Variants in SORCS3 observed in about 807,000 individuals in gnomAD.
SORCS3 encodes the protein sortilin related VPS10 domain containing receptor 3, also known as VPS10 domain-containing receptor SorCS3.
A neutral mutation model predicts 146.3 loss-of-function variants in SORCS3; 57 were observed. That is an observed-to-expected ratio of 0.39 (90% CI 0.31 to 0.49). The LOEUF (loss-of-function observed/expected upper bound fraction) is 0.49. Among genes scored for constraint, SORCS3 ranks in the 20% least tolerant of loss-of-function variants. The pLI, the probability that SORCS3 is intolerant of heterozygous loss-of-function variation, is 0.92. For synonymous variants in SORCS3, 653 were observed against 618.5 expected (o/e 1.06, Z -0.83); for missense variants, 1,341 against 1,575.5 (o/e 0.85, Z 2.52).
chr10:104,716,767 C>A (rs1462771095), intron 1 of SORCS3, among the ~76,000 whole-genome samples: 2 of 152,082 alleles, frequency 1.3e-5, no homozygotes, highest in Admixed American at 1.3e-4. Flanking sequence ...TCTTTATCTC[C>A]TGCAAGTTCC....
At chr10:104,932,895 C>A (rs1000948692) in intron 3 of SORCS3, among the ~76,000 whole-genome samples, 5 of 151,966 alleles carry the variant, frequency 3.3e-5, no homozygotes, top group Admixed American at 2.0e-4. Context: ...TCTTTTCTTT[C>A]TTTATTTATT....
At chr10:104,686,934 CATCCATCCATCT>C (rs1230603616) in intron 1 of SORCS3, among the ~76,000 whole-genome samples, 192 of 122,772 alleles carry the variant, frequency 1.6e-3, no homozygotes, top group African/African-American at 4.7e-3. Context: ...TCTATCCATC[CATCCATCCATCT>C]ATGTATCCAT....
At chr10:105,172,701 C>T (rs1283339095) in intron 13 of SORCS3, among the ~76,000 whole-genome samples, 2 of 151,886 alleles carry the variant, frequency 1.3e-5, no homozygotes, top group Non-Finnish European at 2.9e-5. Context: ...TGCTTTTTAC[C>T]TTTAATTACT....
Position 105,114,207 on chromosome 10 carries a change from C to T in SORCS3, c.1212+8692C>T, listed in dbSNP as rs564006085. Among the ~76,000 whole-genome samples the T allele has an allele frequency of 3.9e-5, 6 of 152,236 alleles. No homozygotes were observed. In the South Asian group the frequency reaches 1.2e-3, roughly 32 times the overall value. The stretch of plus-strand genomic sequence containing the variant: ...GTGAAACCCTGCCCTATACTCTCTT[C>T]ATGGCACAGAGGGTGGCCTTCAATG... On this transcript the variant is annotated intron_variant, in intron 7 of 26. Transcript: ENST00000369701.
intron 3 of SORCS3, among the ~76,000 whole-genome samples, chr10:104,940,249 T>A (rs1374418992): frequency 3.0e-3 from 356 of 117,518 alleles, no homozygotes; most frequent in African/African-American, 0.011. Context: ...TTTTTTTTTT[T>A]TTTTTTATTA....
At chr10:105,016,155 A>ATTTTTTTTTTTTTTTTTTTT (rs10625699) in intron 4 of SORCS3, among the ~76,000 whole-genome samples, 1 of 101,342 alleles carries the variant, frequency 9.9e-6, no homozygotes, top group African/African-American at 4.8e-5. Context: ...ATATATATAT[A>ATTTTTTTTTTTTTTTTTTTT]TTTTTTTTTT....
At chr10:105,057,696 C>G (rs6584650) in intron 5 of SORCS3, among the ~76,000 whole-genome samples, 40,513 of 152,092 alleles carry the variant, frequency 0.27, 7,396 homozygotes, top group African/African-American at 0.52. Context: ...CCACTCTCAC[C>G]CTAGCCTGTT....
chr10:105,104,841 A>G (rs1177719586), intron 6 of SORCS3, among the ~76,000 whole-genome samples: 1 of 152,212 alleles, frequency 6.6e-6, no homozygotes, highest in African/African-American at 2.4e-5. Context: ...GTTGAAGCAT[A>G]CGTATCCACC....
chr10:104,991,060 A>G (rs1382374331), intron 4 of SORCS3, among the ~76,000 whole-genome samples: 2 of 152,132 alleles, frequency 1.3e-5, no homozygotes, highest in African/African-American at 2.4e-5. Flanking sequence ...TGTCTCCACC[A>G]GCTTCTTGAA....
At chr10:105,157,458 G>A (rs2056221211) in intron 10 of SORCS3, among the ~76,000 whole-genome samples, 174 bp downstream of exon 10, 2 of 152,148 alleles carry the variant, frequency 1.3e-5, no homozygotes, top group South Asian at 4.1e-4. Context: ...CCAATTGGGT[G>A]AAAGGCCCAG....
intron 3 of SORCS3, among the ~76,000 whole-genome samples, chr10:104,950,617 A>T (rs1292489008): frequency 6.6e-6 from 1 of 152,154 alleles, no homozygotes; most frequent in Admixed American, 6.5e-5. Context: ...TTTGGAGAAA[A>T]TCTACTGGAA....
At chr10:104,995,995 A>G (rs1361473818) in intron 4 of SORCS3, among the ~76,000 whole-genome samples, 2 of 152,214 alleles carry the variant, frequency 1.3e-5, no homozygotes, top group African/African-American at 4.8e-5. Context: ...ATTCTAACAC[A>G]GTTTATGGAA....
chr10:105,059,329 A>AAAAG (rs1386537597), intron 5 of SORCS3, among the ~76,000 whole-genome samples: 1 of 152,192 alleles, frequency 6.6e-6, no homozygotes, highest in African/African-American at 2.4e-5. Context: ...AGATGAGATA[A>AAAAG]TATACTTCCG....
chr10:105,081,509 G>C (rs2055625133), intron 5 of SORCS3, among the ~76,000 whole-genome samples: 1 of 152,208 alleles, frequency 6.6e-6, no homozygotes, highest in African/African-American at 2.4e-5. Context: ...CAGCTCTCTT[G>C]AGGACTGTCG....
intron 1 of SORCS3, among the ~76,000 whole-genome samples, chr10:104,704,692 G>A (rs1024315722): frequency 2.0e-5 from 3 of 152,172 alleles, no homozygotes; most frequent in South Asian, 4.1e-4. Context: ...TCTAGGGAAT[G>A]TGTGTTCCAT....
At chr10:105,259,796 T>C (rs2056950422) in intron 25 of SORCS3, among the ~76,000 whole-genome samples, 1 of 152,206 alleles carries the variant, frequency 6.6e-6, no homozygotes, top group Non-Finnish European at 1.5e-5. Flanking sequence ...CCTACAGGCT[T>C]CTAACACTCA....
intron 14 of SORCS3, among the ~76,000 whole-genome samples, chr10:105,196,422 G>T (rs1343585931): frequency 3.3e-5 from 5 of 152,076 alleles, no homozygotes; most frequent in African/African-American, 1.2e-4. Flanking sequence ...TGACCAACAT[G>T]GAGAAACACT....
intron 6 of SORCS3, among the ~76,000 whole-genome samples, chr10:105,099,535 C>T (rs1451347558): frequency 1.3e-5 from 2 of 152,122 alleles, no homozygotes; most frequent in Non-Finnish European, 2.9e-5. Context: ...TTCAGTTTAA[C>T]CAGCATTCAC....
intron 5 of SORCS3, among the ~76,000 whole-genome samples, chr10:105,061,286 G>A (rs2055484473): frequency 7.7e-6 from 1 of 130,342 alleles, no homozygotes; most frequent in African/African-American, 2.9e-5. Context: ...GATGTTTTAA[G>A]TGGTGTTCCT....
Sources: allele counts gnomAD v4.1 joint callset (sites outside exome capture counted in the v4.1 genomes callset), GRCh38; gene constraint gnomAD v4.1.1; transcripts MANE v1.5; gene names NCBI Gene and HGNC (gene_info 2026-07-23, HGNC 2026-07-21).